ROBO1: variants seen among roughly 807,000 people sequenced by gnomAD.
The protein encoded by ROBO1 is roundabout guidance receptor 1, also known as roundabout homolog 1.
A neutral mutation model predicts 195.9 loss-of-function variants in ROBO1; 149 were observed. The observed-to-expected ratio is 0.76, with a 90% CI of 0.67 to 0.87. ROBO1 has a LOEUF of 0.87. Among genes scored for constraint, ROBO1 ranks in the 40% least tolerant of loss-of-function variants. The probability of loss-of-function intolerance (pLI) is 0.00; values close to 1 mark genes in which losing one functional copy is unlikely to be tolerated. For synonymous variants in ROBO1, 816 were observed against 733.2 expected, an observed-to-expected ratio of 1.11 and a Z score of -1.82; for missense variants, 1,933 against 2,068.3, an observed-to-expected ratio of 0.93 and a Z score of 1.27.
At chr3:79,051,836 C>T (rs2078705182) in intron 3 of ROBO1, among the ~76,000 whole-genome samples, 1 of 152,124 alleles carries the variant, frequency 6.6e-6, no homozygotes, top group African/African-American at 2.4e-5. Context: ...ATTTCATGGA[C>T]ACTGATCACT....
intron 8 of ROBO1, among the ~76,000 whole-genome samples, chr3:78,712,398 T>C (rs1218286836): frequency 6.6e-6 from 1 of 152,192 alleles, no homozygotes; most frequent in African/African-American, 2.4e-5. Flanking sequence ...GTTTCCTTTG[T>C]AGTAACTGGT....
intron 1 of ROBO1, among the ~76,000 whole-genome samples, chr3:79,661,996 CA>C (rs1946343317): frequency 6.6e-6 from 1 of 151,860 alleles, no homozygotes; most frequent in African/African-American, 2.4e-5. Flanking sequence ...AAAATTTGAA[CA>C]GTGCCTCTCA....
At chr3:79,034,244 C>T (rs962884229) in intron 3 of ROBO1, among the ~76,000 whole-genome samples, 1 of 151,978 alleles carries the variant, frequency 6.6e-6, no homozygotes, top group Non-Finnish European at 1.5e-5. Flanking sequence ...ATGCCCTTTG[C>T]CTTTACAGTT....
At chr3:79,195,033 A>G (rs962436058) in intron 2 of ROBO1, among the ~76,000 whole-genome samples, 20 of 151,646 alleles carry the variant, frequency 1.3e-4, no homozygotes, top group South Asian at 4.1e-4. Flanking sequence ...TAACACATCA[A>G]AACAGTTTTT....
intron 2 of ROBO1, among the ~76,000 whole-genome samples, chr3:79,576,565 G>A (rs566267937): frequency 6.6e-6 from 1 of 152,100 alleles, no homozygotes; most frequent in African/African-American, 2.4e-5. Context: ...ATCATTTCAA[G>A]TTTCCCAAGT....
chr3:79,438,727 G>A (rs2038963805), intron 2 of ROBO1, among the ~76,000 whole-genome samples: 1 of 151,982 alleles, frequency 6.6e-6, no homozygotes, highest in African/African-American at 2.4e-5. Context: ...TATGTGAAAA[G>A]AATCCTTCAT....
chr3:78,757,460 C>T (rs1190118587), intron 4 of ROBO1, among the ~76,000 whole-genome samples: 1 of 151,888 alleles, frequency 6.6e-6, no homozygotes, highest in Non-Finnish European at 1.5e-5. Flanking sequence ...CACACACTCA[C>T]AAACTCACAC....
At chr3:78,678,857 G>T (rs1443634385) in intron 10 of ROBO1, among the ~76,000 whole-genome samples, 1 of 152,000 alleles carries the variant, frequency 6.6e-6, no homozygotes, top group African/African-American at 2.4e-5. Context: ...CCAAAGCCGG[G>T]CAGAGACACA....
At chr3:79,504,474 A>G (rs1444730127) in intron 2 of ROBO1, among the ~76,000 whole-genome samples, 1 of 152,188 alleles carries the variant, frequency 6.6e-6, no homozygotes, top group Non-Finnish European at 1.5e-5. Flanking sequence ...CAAATATGAA[A>G]TTATGAAAAA....
In ROBO1 at chr3:78,661,162, T is replaced by C. The variant is rs1181163884; in HGVS notation, c.2188A>G (p.Thr730Ala). ...ESDWLVFEVR[T>A]PAKNSVVIPD... Reference sequence around the variant, plus strand: ...ATTACCACACTGTTTTTGGCTGGCGTCCTCACTTCAAAAACTAACCAGTCT... The same window carrying C: ...ATTACCACACTGTTTTTGGCTGGCGCCCTCACTTCAAAAACTAACCAGTCT... The change falls in exon 16 of 31, where the codon ACG becomes GCG. Residue 730 changes from threonine (T) to alanine (A), a missense_variant. Coordinates refer to ENST00000464233, the MANE Select transcript of ROBO1 (RefSeq NM_002941.4). 3.1e-6 allele frequency: 5 copies of C among 1,613,794 alleles called. No homozygotes were observed. Among genetic ancestry groups the C allele is most frequent in the Non-Finnish European group, 3.4e-6 (4 of 1,179,818 alleles).
At chr3:79,057,185 T>G (rs1330166810) in intron 3 of ROBO1, among the ~76,000 whole-genome samples, 1 of 152,124 alleles carries the variant, frequency 6.6e-6, no homozygotes, top group Non-Finnish European at 1.5e-5. Flanking sequence ...ATGCTGGTTA[T>G]GTAGGTCCTA....
intron 8 of ROBO1, among the ~76,000 whole-genome samples, chr3:78,701,781 G>A (rs1469746290): frequency 6.6e-6 from 1 of 151,896 alleles, no homozygotes; most frequent in Non-Finnish European, 1.5e-5. Context: ...TAATAACATC[G>A]ACCACACAAA....
At chr3:78,785,338 C>G (rs2083800132) in intron 4 of ROBO1, among the ~76,000 whole-genome samples, 1 of 152,148 alleles carries the variant, frequency 6.6e-6, no homozygotes, top group African/African-American at 2.4e-5. Context: ...CAGTGGGGAT[C>G]TTAACCCTCT....
rs143978711 is a variant in ROBO1, at chr3:78,933,979, T to G, written c.499+4622A>C. ...TAATCAGAAATTAATTTAAATAAAT[T>G]TAATTAATGAAGCATTTTATTTAAA... On this transcript the variant is annotated intron_variant, in intron 4 of 30. Transcript: ENST00000464233. Among the ~76,000 whole-genome samples, 1,356 of 152,064 alleles carry G rather than the reference T, an allele frequency of 8.9e-3. 22 individuals carry two copies. The highest frequency in any genetic ancestry group is 0.031 in the African/African-American group (1,300 of 41,540).
At chr3:78,741,294 A>T (rs560577978) in intron 5 of ROBO1, among the ~76,000 whole-genome samples, 1 of 152,300 alleles carries the variant, frequency 6.6e-6, no homozygotes, top group South Asian at 2.1e-4. Flanking sequence ...GATGCCTGGA[A>T]CTTGGTGCAA....
intron 3 of ROBO1, among the ~76,000 whole-genome samples, chr3:79,120,434 A>C (rs1272045074): frequency 6.6e-6 from 1 of 152,218 alleles, no homozygotes; most frequent in Non-Finnish European, 1.5e-5. Context: ...CGTGGACAGA[A>C]TATCACAAGC....
intron 3 of ROBO1, among the ~76,000 whole-genome samples, chr3:78,954,219 C>A (rs1458436063): frequency 6.6e-6 from 1 of 151,922 alleles, no homozygotes; most frequent in Non-Finnish European, 1.5e-5. Context: ...CAGAGACTGA[C>A]TAACTAAAGC....
At chr3:78,838,094 C>G (rs1217608547) in intron 4 of ROBO1, among the ~76,000 whole-genome samples, 1 of 152,170 alleles carries the variant, frequency 6.6e-6, no homozygotes. Flanking sequence ...GGAAGCTGAT[C>G]ATAAATACAG....
At chr3:78,662,899 C>G (rs1352537275) in intron 14 of ROBO1, among the ~76,000 whole-genome samples, 1 of 151,896 alleles carries the variant, frequency 6.6e-6, no homozygotes, top group African/African-American at 2.4e-5. Flanking sequence ...TTATAAGCTT[C>G]TTAAAGTCTA....
Sources: gnomAD v4.1 joint callset for allele counts (sites outside exome capture counted in the v4.1 genomes callset) on GRCh38, gnomAD v4.1.1 for gene constraint, MANE v1.5 for transcripts, NCBI Gene and HGNC (gene_info 2026-07-23, HGNC 2026-07-21) for gene names.